Variants in ASPDH observed in about 807,000 individuals in gnomAD.
ASPDH encodes the protein aspartate dehydrogenase domain containing, also known as aspartate dehydrogenase domain-containing protein.
A neutral mutation model predicts 30.5 loss-of-function variants in ASPDH; 25 were observed. The observed-to-expected ratio is 0.82, with a 90% confidence interval of 0.60 to 1.14. The LOEUF (loss-of-function observed/expected upper bound fraction) is 1.14, where lower values mean the gene tolerates loss of function less well. Ranked by LOEUF, ASPDH falls within the 50% of genes most tolerant of loss-of-function variation. The pLI, the probability that ASPDH is intolerant of heterozygous loss-of-function variation, is 0.00. For synonymous variants in ASPDH, 168 were observed against 156.3 expected (o/e 1.07, Z -0.56); for missense variants, 401 against 381.5 (o/e 1.05, Z -0.43).
In ASPDH at chr19:50,513,072, G is replaced by T. The variant is rs1256557728; in HGVS notation, c.198-61C>A. On this transcript the variant is annotated intron_variant, in intron 2 of 6. Transcript: ENST00000389208. This position sits in a 1 kb window ranked among gnomAD's most constrained non-coding sequence, Gnocchi z 4.9. ...AGGTATTAGGCCTCTTCTCCCCAAG[G>T]TTCCCTCCGAGTCTACTGAGGGCTG... 5.5e-6 allele frequency: 8 copies of T among 1,450,086 alleles called. No individual in the cohort carries two copies. Among genetic ancestry groups the T allele is most frequent in the South Asian group, 1.3e-5 (1 of 79,324 alleles). The allele number at this position is 1,450,086 out of a possible 1,614,324, so 89.8% of individuals were successfully genotyped here.
Position 50,511,679 on chromosome 19 carries a change from T to G in ASPDH, c.*51A>C. 1.7e-6 allele frequency: 2 copies of G among 1,164,152 alleles called. No individual in the cohort carries two copies. The highest frequency in any genetic ancestry group is 2.2e-6 in the Non-Finnish European group (2 of 901,398). 72.1% of individuals were successfully genotyped at this position (1,164,152 alleles called of 1,614,324 possible). On this transcript the variant is annotated 3_prime_UTR_variant, in exon 7 of 7. Coordinates refer to ENST00000389208, the MANE Select transcript of ASPDH (RefSeq NM_001114598.2). ...GTGGGGCAGGGCAGGGGTGGGATGG[T>G]GGTGGTGAGAGGCCAGGCAGATGAT...
At position 50,512,474 on chromosome 19, in the gene ASPDH, A is replaced by G. The variant is rs747185169; in HGVS notation, c.539T>C (p.Val180Ala). ...GPCTVLYEGP[V>A]RGLCPFAPRN... ...CGGGGCAAAGGGGCAGAGCCCACGG[A>G]CAGGGCCTTCGTAGAGCACAGTGCA... is the stretch of plus-strand genomic sequence containing the variant. The change falls in exon 5 of 7, where the codon GTC (valine) becomes GCC (alanine). Residue 180 changes from valine to alanine, a missense_variant. Coordinates refer to ENST00000389208, the MANE Select transcript of ASPDH (RefSeq NM_001114598.2). The G allele has an allele frequency of 3.1e-6, 5 of 1,595,430 alleles. No individual in the cohort carries two copies. In the South Asian group the frequency reaches 3.4e-5, roughly 11 times the overall value.
At chr19:50,514,798 CA>C, upstream of ASPDH, 1 of 596,620 alleles carries the variant, frequency 1.7e-6, no homozygotes, top group Non-Finnish European at 2.3e-6. Flanking sequence ...TGAACGGGAG[CA>C]TGGGGTGGGG....
At position 50,512,928 on chromosome 19, in the gene ASPDH, A is replaced by G; in HGVS notation, c.281T>C (p.Leu94Pro). 6.2e-7 allele frequency: 1 copy of G among 1,612,784 alleles called. No individual in the cohort carries two copies. Among genetic ancestry groups the G allele is most frequent in the South Asian group, 1.1e-5 (1 of 90,892 alleles). Residue 94 changes from leucine (L) to proline (P), a missense_variant and splice_region_variant, in exon 3 of 7, where the codon CTG becomes CCG. Transcript: ENST00000389208. ...GAQILRHANL[L>P]VGSPSALSDQ... ...GTAAATGGTTGGGGTGGGGCTTACC[A>G]GGAGATTGGCATGGCGCAGGATTTG...
At chr19:50,514,765 G>A (rs567417607), upstream of ASPDH, 5 of 1,345,698 alleles carry the variant, frequency 3.7e-6, no homozygotes, top group South Asian at 8.0e-5. Context: ...GGCGCTGGAA[G>A]GAGGCTGGAG....
upstream of ASPDH, chr19:50,513,965 G>C: frequency 3.8e-6 from 4 of 1,063,154 alleles, no homozygotes; most frequent in Non-Finnish European, 4.0e-6. The surrounding 1 kb of genome is among the most constrained non-coding windows in gnomAD (Gnocchi z 4.9). Flanking sequence ...GGCCCAGCGT[G>C]GGGGCGTGGG....
Position 50,512,191 on chromosome 19 carries a change from C to G in ASPDH, c.753G>C (p.Glu251Asp), listed in dbSNP as rs906823544. Residue 251 changes from glutamate (E) to aspartate (D), a missense_variant, in exon 6 of 7, where the codon GAG (glutamate) becomes GAC (aspartate). Glu to Asp is a conservative substitution (Grantham distance 45). Coordinates refer to ENST00000389208, the MANE Select transcript of ASPDH (RefSeq NM_001114598.2). ...AVHTRRENPA[E>D]PGAVTGSATV... is the part of the protein sequence containing the mutation. ...TGGCGGAGCCGGTGACCGCGCCTGG[C>G]TCGGCAGGGTTCTCTCTGCGGGTGT... 3.7e-6 allele frequency: 6 copies of G among 1,605,384 alleles called. No individual in the cohort carries two copies. The East Asian group carries it at 1.3e-4, about 36-fold the overall frequency.
chr19:50,514,957 C>T (rs569216322), upstream of ASPDH: 5 of 985,354 alleles, frequency 5.1e-6, no homozygotes, highest in Middle Eastern at 5.2e-4. Flanking sequence ...GAGCCAGGAG[C>T]CCCCGGTGTG....
upstream of ASPDH, chr19:50,514,918 G>A (rs76467878): frequency 0.11 from 112,323 of 985,194 alleles, 7,361 homozygotes; most frequent in East Asian, 0.4. Context: ...AAAGGCTGCC[G>A]CTGCTGATAA....
Position 50,513,701 on chromosome 19 carries a change from G to T in ASPDH, c.52+71C>A, listed in dbSNP as rs1321338843. On this transcript the variant is annotated intron_variant, in intron 1 of 6. Coordinates refer to ENST00000389208, the MANE Select transcript of ASPDH (RefSeq NM_001114598.2). This position sits in a 1 kb window ranked among gnomAD's most constrained non-coding sequence, Gnocchi z 4.9. ...GATAGAGAGAGAAAAAAGTGTTTGT[G>T]GAGGGCAGAGAGTCTTGGGAGCTTT... 6 of 1,193,592 alleles carry T rather than the reference G, an allele frequency of 5.0e-6. No individual in the cohort carries two copies. The African/African-American group carries it at 6.1e-5, about 12-fold the overall frequency. 73.9% of individuals were successfully genotyped at this position (1,193,592 alleles called of 1,614,324 possible).
Position 50,513,351 on chromosome 19 carries a change from A to G in ASPDH, c.118T>C (p.Trp40Arg). ...PELGLELVFV[W>R]NRDPGRMAGS... ...GCCATTCGTCCTGGGTCACGATTCC[A>G]GACAAAAACAAGTTCTAGGCCAAGT... The change falls in exon 2 of 7, where the codon TGG becomes CGG. Residue 40 changes from tryptophan (W) to arginine (R), a missense_variant. Trp to Arg is a moderately radical substitution (Grantham distance 101, BLOSUM62 -3). Coordinates refer to ENST00000389208, the MANE Select transcript of ASPDH (RefSeq NM_001114598.2). This position sits in a 1 kb window ranked among gnomAD's most constrained non-coding sequence, Gnocchi z 4.9. 6.5e-7 allele frequency: 1 copy of G among 1,543,168 alleles called. No individual in the cohort carries two copies. Among genetic ancestry groups the G allele is most frequent in the East Asian group, 2.5e-5 (1 of 40,674 alleles).
Position 50,512,200 on chromosome 19 carries a change from G to T in ASPDH, c.744C>A (p.Asn248Lys). The T allele has an allele frequency of 6.2e-7, 1 of 1,608,974 alleles. No individual in the cohort carries two copies. The highest frequency in any genetic ancestry group is 2.2e-5 in the East Asian group (1 of 44,750). ...CGGTGACCGCGCCTGGCTCGGCAGGGTTCTCTCTGCGGGTGTGCACAGCAA... is the reference window on the plus strand; with the variant it reads ...CGGTGACCGCGCCTGGCTCGGCAGGTTTCTCTCTGCGGGTGTGCACAGCAA... ...RSFAVHTRRE[N>K]PAEPGAVTGS... Residue 248 changes from asparagine to lysine, a missense_variant, in exon 6 of 7, where the codon AAC becomes AAA. Coordinates refer to ENST00000389208, the MANE Select transcript of ASPDH (RefSeq NM_001114598.2).
chr19:50,511,809 G>A lies in ASPDH; in HGVS notation c.809-36C>T, dbSNP rs74711311. The stretch of plus-strand genomic sequence containing the variant: ...AGGGGAATGAGCGAATGAGACAGAG[G>A]AGAGATGAGGAGACAGACGCCTGGG... On this transcript the variant is annotated intron_variant, in intron 6 of 6. Transcript: ENST00000389208. 1.5e-3 allele frequency: 1,989 copies of A among 1,331,106 alleles called. 22 individuals carry two copies. The African/African-American group carries it at 0.027, about 18-fold the overall frequency. The allele number at this position is 1,331,106 out of a possible 1,614,324, so 82.5% of individuals were successfully genotyped here.
At position 50,511,739 on chromosome 19, in the gene ASPDH, A is replaced by C; in HGVS notation, c.843T>G (p.His281Gln). 11 of 1,313,350 alleles carry C rather than the reference A, an allele frequency of 8.4e-6. No individual in the cohort carries two copies. The highest frequency in any genetic ancestry group is 1.1e-5 in the Non-Finnish European group (11 of 1,025,422). The allele number at this position is 1,313,350 out of a possible 1,614,324, so 81.4% of individuals were successfully genotyped here. ...CCQLPSRPGI[H>Q]LC ...GGAGGGAGGAGGCTTCTCAGCAGAG[A>C]TGGATCCCCGGCCTGGAGGGGAGCT... The change falls in exon 7 of 7, where the codon CAT (histidine) becomes CAG (glutamine). Residue 281 changes from histidine to glutamine, a missense_variant. Transcript: ENST00000389208.
At position 50,513,144 on chromosome 19, in the gene ASPDH, G is replaced by A. The variant is rs968388360; in HGVS notation, c.197+128C>T. Reference sequence around the variant, plus strand: ...GAGGCGAAATGAGATGAATGGGTTCGTCCTGTTTCACATTTGCTTGAACCA... The same window carrying A: ...GAGGCGAAATGAGATGAATGGGTTCATCCTGTTTCACATTTGCTTGAACCA... On this transcript the variant is annotated intron_variant, in intron 2 of 6. Transcript: ENST00000389208. This position sits in a 1 kb window ranked among gnomAD's most constrained non-coding sequence, Gnocchi z 4.9. 7 of 1,248,662 alleles carry A rather than the reference G, an allele frequency of 5.6e-6. No homozygotes were observed. Among genetic ancestry groups the A allele is most frequent in the African/African-American group, 4.5e-5 (3 of 66,116 alleles). 77.3% of individuals were successfully genotyped at this position (1,248,662 alleles called of 1,614,324 possible).
upstream of ASPDH, chr19:50,515,009 G>A (rs1196053343): frequency 1.0e-6 from 1 of 985,266 alleles, no homozygotes; most frequent in East Asian, 1.1e-4. Context: ...CCAGGAAGGG[G>A]GCAGGGGCCA....
Position 50,513,535 on chromosome 19 carries a change from G to A in ASPDH, c.53-119C>T, listed in dbSNP as rs976273957. 1.3e-5 allele frequency: 14 copies of A among 1,097,516 alleles called. No individual in the cohort carries two copies. The highest frequency in any genetic ancestry group is 5.9e-5 in the Admixed American group (2 of 33,800). The allele number at this position is 1,097,516 out of a possible 1,614,324, so 68.0% of individuals were successfully genotyped here. ...GGAGGTGGGGACAGACTCAGATTGC[G>A]GGGTAGGGAGACAGAGATGGGGGCA... On this transcript the variant is annotated intron_variant, in intron 1 of 6. Coordinates refer to ENST00000389208, the MANE Select transcript of ASPDH (RefSeq NM_001114598.2). This position sits in a 1 kb window ranked among gnomAD's most constrained non-coding sequence, Gnocchi z 4.9.
chr19:50,513,956 GC>G, upstream of ASPDH: 1 of 1,187,270 alleles, frequency 8.4e-7, no homozygotes, highest in Non-Finnish European at 1.2e-6. The surrounding 1 kb of genome is among the most constrained non-coding windows in gnomAD (Gnocchi z 4.9). Context: ...TTCCCCGCAG[GC>G]CCAGCGTGGG....
intron 6 of ASPDH, 154 bp from the exon 7 acceptor site, chr19:50,511,927 G>T: frequency 1.3e-6 from 1 of 794,242 alleles, no homozygotes; most frequent in Non-Finnish European, 1.9e-6. Flanking sequence ...GACAGAGACA[G>T]AGAGAGTCTC....
Sources: gnomAD v4.1 joint callset for allele counts on GRCh38, gnomAD v4.1.1 for gene constraint, Gnocchi (gnomAD v3.1) non-coding constraint, MANE v1.5 for transcripts, NCBI Gene and HGNC (gene_info 2026-07-23, HGNC 2026-07-21) for gene names.